COL11A1: variants seen among roughly 807,000 people sequenced by gnomAD.
The protein encoded by COL11A1 is collagen alpha-1(XI) chain.
COL11A1 carries 74 observed loss-of-function variants against 265.2 expected under a neutral mutation model. The ratio of observed to expected loss-of-function variants is 0.28; its 90% CI spans 0.23 to 0.34. COL11A1 has a LOEUF of 0.34. Ranked by LOEUF, COL11A1 falls within the 10% of genes least tolerant of loss-of-function variation. The probability of loss-of-function intolerance (pLI) is 1.00; values close to 1 mark genes in which losing one functional copy is unlikely to be tolerated. For synonymous variants in COL11A1, 816 were observed against 727.6 expected (o/e 1.12, Z -1.96); for missense variants, 2,165 against 2,263.6 (o/e 0.96, Z 0.88).
chr1:102,878,107 A>C lies in COL11A1; in HGVS notation c.5333T>G (p.Val1778Gly). 6.2e-7 allele frequency: 1 copy of C among 1,613,146 alleles called. No homozygotes were observed. The highest frequency in any genetic ancestry group is 8.5e-7 in the Non-Finnish European group (1 of 1,179,254). The change falls in exon 67 of 67, where the codon GTA (valine) becomes GGA (glycine). Residue 1778 changes from valine to glycine, a missense_variant. Transcript: ENST00000370096. ...IEINTPKIDQ[V>G]PIVDVMINDF... ...ATTGATCATGACATCAACAATAGGT[A>C]CTTGATCAATTTTTGGTGTATTGAT...
intron 24 of COL11A1, 147 bp from the exon 25 acceptor site, chr1:102,998,510 T>G (rs1186281834): frequency 4.0e-6 from 2 of 505,662 alleles, no homozygotes; most frequent in African/African-American, 4.0e-5. Context: ...AAATATATTA[T>G]TTGGAGGAAA....
chr1:102,974,380 CAG>C (rs1662265223), intron 36 of COL11A1, among the ~76,000 whole-genome samples: 1 of 151,846 alleles, frequency 6.6e-6, no homozygotes, highest in Admixed American at 6.6e-5. Context: ...ATTATAGAGA[CAG>C]ATATAATATT....
At chr1:102,970,695 T>A (rs1570905618) in intron 36 of COL11A1, among the ~76,000 whole-genome samples, 1 of 152,086 alleles carries the variant, frequency 6.6e-6, no homozygotes, top group East Asian at 1.9e-4. Context: ...TGCCCTCTAG[T>A]GGTAATCCGA....
intron 4 of COL11A1, among the ~76,000 whole-genome samples, chr1:103,055,660 C>A (rs78536757): frequency 6.6e-6 from 1 of 152,170 alleles, no homozygotes; most frequent in African/African-American, 2.4e-5. Flanking sequence ...CCATGAACCA[C>A]ATCCACATGA....
At chr1:103,024,709 A>T (rs1373696725) in intron 7 of COL11A1, among the ~76,000 whole-genome samples, 1 of 152,154 alleles carries the variant, frequency 6.6e-6, no homozygotes, top group East Asian at 1.9e-4. Flanking sequence ...GTTAAAATCC[A>T]TTCTCACCCT....
At chr1:102,904,063 A>T (rs1220827907) in intron 54 of COL11A1, among the ~76,000 whole-genome samples, 1 of 152,050 alleles carries the variant, frequency 6.6e-6, no homozygotes, top group Non-Finnish European at 1.5e-5. Context: ...GGGTTTCACC[A>T]TGTTGCCCAG....
At chr1:102,911,418 T>C (rs895314052) in intron 54 of COL11A1, among the ~76,000 whole-genome samples, 10 of 152,158 alleles carry the variant, frequency 6.6e-5, no homozygotes, top group South Asian at 6.2e-4. Context: ...TTTGGATTAC[T>C]GAAGAGGGAA....
intron 24 of COL11A1, 23 bp from the exon 25 acceptor site, chr1:102,998,386 T>A: frequency 6.7e-7 from 1 of 1,493,040 alleles, no homozygotes; most frequent in Non-Finnish European, 9.0e-7. Context: ...AAAAAAATAT[T>A]AAAAAGATAA....
At chr1:102,995,466 TG>T (rs1312968733) in intron 28 of COL11A1, among the ~76,000 whole-genome samples, 1 of 152,146 alleles carries the variant, frequency 6.6e-6, no homozygotes, top group Non-Finnish European at 1.5e-5. Flanking sequence ...GTGCTGAATT[TG>T]TTTAAACATT....
At chr1:102,921,497 C>T in intron 48 of COL11A1, 21 bp downstream of exon 48, 1 of 1,586,992 alleles carries the variant, frequency 6.3e-7, no homozygotes. Context: ...AAATAATTAA[C>T]ATATATTTCA....
intron 35 of COL11A1, among the ~76,000 whole-genome samples, chr1:102,975,228 A>T (rs553673914): frequency 6.6e-6 from 1 of 151,862 alleles, no homozygotes; most frequent in African/African-American, 2.4e-5. Flanking sequence ...TCATACAAGG[A>T]AGATATTTTG....
intron 1 of COL11A1, among the ~76,000 whole-genome samples, chr1:103,096,477 G>T (rs976796121): frequency 3.3e-5 from 5 of 151,928 alleles, no homozygotes; most frequent in African/African-American, 1.2e-4. Context: ...TTCAGGAGAG[G>T]AGTTCTGCAA....
At chr1:102,964,734 G>A (rs184823400) in intron 38 of COL11A1, among the ~76,000 whole-genome samples, 5 of 151,968 alleles carry the variant, frequency 3.3e-5, no homozygotes, top group Admixed American at 6.6e-5. Flanking sequence ...ATTAAAATAC[G>A]TATTCACCTG....
At chr1:103,074,891 T>C in intron 3 of COL11A1, 111 bp from the exon 4 acceptor site, 1 of 1,274,628 alleles carries the variant, frequency 7.8e-7, no homozygotes, top group Non-Finnish European at 1.1e-6. Flanking sequence ...GCTAAAATCA[T>C]ACAAAAAATG....
intron 1 of COL11A1, among the ~76,000 whole-genome samples, chr1:103,086,431 T>C (rs1217382056): frequency 6.6e-6 from 1 of 152,132 alleles, no homozygotes; most frequent in Non-Finnish European, 1.5e-5. Context: ...GTTTGTTTGT[T>C]TTTGAGACGG....
intron 4 of COL11A1, among the ~76,000 whole-genome samples, chr1:103,033,643 C>A (rs1668148798): frequency 6.6e-6 from 1 of 152,030 alleles, no homozygotes; most frequent in Non-Finnish European, 1.5e-5. Context: ...ATATTATAAA[C>A]AAGAACAATC....
chr1:103,044,553 T>G (rs1669096962), intron 4 of COL11A1, among the ~76,000 whole-genome samples: 1 of 152,128 alleles, frequency 6.6e-6, no homozygotes, highest in Non-Finnish European at 1.5e-5. Context: ...TTATCAATGT[T>G]AAACAAGGAT....
intron 24 of COL11A1, chr1:103,001,522 A>G (rs755207506): frequency 2.2e-6 from 1 of 452,732 alleles, no homozygotes; most frequent in Non-Finnish European, 3.9e-6. Flanking sequence ...TATGAGATAT[A>G]ATGGCAATGA....
Position 103,078,865 on chromosome 1 carries a change from G to A in COL11A1, c.281C>T (p.Thr94Ile), listed in dbSNP as rs1283924469. 1.3e-4 allele frequency: 208 copies of A among 1,605,984 alleles called. No individual in the cohort carries two copies. The highest frequency in any genetic ancestry group is 1.7e-4 in the Non-Finnish European group (205 of 1,174,222). Residue 94 changes from threonine (T) to isoleucine (I), a missense_variant, in exon 3 of 67, where the codon ACT becomes ATT. Transcript: ENST00000370096. ...APTKQLFPGG[T>I]FPEDFSILFT... ...TAGTATTGAAAAGTCTTCTGGGAAA[G>A]TTCCACCTGAGAAGAAAAGGCCAAA...
Sources: gnomAD v4.1 joint callset for allele counts (sites outside exome capture counted in the v4.1 genomes callset) on GRCh38, gnomAD v4.1.1 for gene constraint, MANE v1.5 for transcripts, NCBI Gene and HGNC (gene_info 2026-07-23, HGNC 2026-07-21) for gene names.